GSE1: variants seen among roughly 807,000 people sequenced by gnomAD.
GSE1 encodes the protein Gse1 coiled-coil protein.
Under a neutral mutation model 112.6 loss-of-function variants are expected in GSE1, and 32 were observed. That is an observed-to-expected ratio of 0.28 (90% CI 0.21 to 0.38). The LOEUF (loss-of-function observed/expected upper bound fraction) is 0.38. Among genes scored for constraint, GSE1 ranks in the 10% least tolerant of loss-of-function variants. GSE1 has a pLI of 1.00. For missense variants in GSE1, 2,348 were observed against 1,699.2 expected (o/e 1.38, Z -6.71); for synonymous variants, 1,115 against 735.6 (o/e 1.52, Z -8.35).
At chr16:85,516,093 C>G (rs1252406145) in intron 2 of GSE1, among the ~76,000 whole-genome samples, 1 of 152,238 alleles carries the variant, frequency 6.6e-6, no homozygotes, top group Non-Finnish European at 1.5e-5. Flanking sequence ...CCAGTCTTCC[C>G]TCTTGACAGA....
chr16:85,476,636 A>ATTTC (rs1201950069), intron 2 of GSE1, among the ~76,000 whole-genome samples: 3 of 56,794 alleles, frequency 5.3e-5, no homozygotes, highest in African/African-American at 8.6e-5. Context: ...TAATTCTTTC[A>ATTTC]TTTATTTATT....
chr16:85,388,097 T>TGGAG (rs397727206), intron 2 of GSE1, among the ~76,000 whole-genome samples: 1 of 145,894 alleles, frequency 6.9e-6, no homozygotes, highest in African/African-American at 2.6e-5. Context: ...GATGGATGGA[T>TGGAG]TGGTGAGTGG....
intron 2 of GSE1, among the ~76,000 whole-genome samples, chr16:85,499,634 C>T (rs9936643): frequency 0.68 from 103,159 of 152,104 alleles, 36,280 homozygotes; most frequent in African/African-American, 0.88. Context: ...TGCACCTCAG[C>T]GTGAATGTAC....
At chr16:85,551,217 T>C (rs1230349341), upstream of GSE1, among the ~76,000 whole-genome samples, 2 of 152,194 alleles carry the variant, frequency 1.3e-5, no homozygotes, top group African/African-American at 4.8e-5. Flanking sequence ...ACCAGGCTTT[T>C]CCGGAGAAGT....
At chr16:85,186,538 G>C (rs960620770) in intron 1 of GSE1, among the ~76,000 whole-genome samples, 2 of 151,972 alleles carry the variant, frequency 1.3e-5, no homozygotes, top group Non-Finnish European at 2.9e-5. Context: ...TGGAGGAGTA[G>C]GTTGCAGTGA....
intron 2 of GSE1, among the ~76,000 whole-genome samples, chr16:85,541,284 T>G (rs923231156): frequency 6.6e-6 from 1 of 151,918 alleles, no homozygotes; most frequent in Non-Finnish European, 1.5e-5. Context: ...GAGTTGGGGG[T>G]GACCGAGACA....
chr16:85,611,923 A>C (rs2048010026), upstream of GSE1, among the ~76,000 whole-genome samples: 1 of 151,438 alleles, frequency 6.6e-6, no homozygotes, highest in South Asian at 2.1e-4. Flanking sequence ...GCGCCTGCCA[A>C]GCCTGGCGCG....
At chr16:85,489,181 T>A (rs2050933330) in intron 2 of GSE1, among the ~76,000 whole-genome samples, 1 of 152,090 alleles carries the variant, frequency 6.6e-6, no homozygotes, top group African/African-American at 2.4e-5. Context: ...TAACTTTGAA[T>A]TGAAATCATC....
chr16:85,202,394 C>G (rs1477158940), intron 1 of GSE1, among the ~76,000 whole-genome samples: 1 of 152,242 alleles, frequency 6.6e-6, no homozygotes, highest in African/African-American at 2.4e-5. Flanking sequence ...AGTATTGGAA[C>G]AAGCGGCCTG....
At chr16:85,237,880 A>T (rs1249300680) in intron 1 of GSE1, among the ~76,000 whole-genome samples, 3 of 151,218 alleles carry the variant, frequency 2.0e-5, no homozygotes, top group African/African-American at 7.3e-5. Flanking sequence ...AGTGAATGAA[A>T]CCTCCCTGTG....
chr16:85,462,805 G>A (rs1465374635), intron 2 of GSE1, among the ~76,000 whole-genome samples: 1 of 145,368 alleles, frequency 6.9e-6, no homozygotes, highest in East Asian at 2.0e-4. Flanking sequence ...TGAAGCCGGG[G>A]GCGCGGGGCC....
intron 2 of GSE1, among the ~76,000 whole-genome samples, chr16:85,413,974 G>A (rs2048646054): frequency 1.3e-5 from 2 of 152,196 alleles, no homozygotes; most frequent in African/African-American, 4.8e-5. Context: ...AGGGCACCTT[G>A]CTTCTCTCTC....
chr16:85,539,946 C>T (rs1440278393), intron 2 of GSE1, among the ~76,000 whole-genome samples: 6 of 152,162 alleles, frequency 3.9e-5, no homozygotes, highest in African/African-American at 7.2e-5. Flanking sequence ...TAGACTGTGC[C>T]GCTTCTCTTG....
intron 1 of GSE1, among the ~76,000 whole-genome samples, chr16:85,589,854 T>C (rs2046902558): frequency 6.6e-6 from 1 of 151,742 alleles, no homozygotes; most frequent in Non-Finnish European, 1.5e-5. Flanking sequence ...ATGTGTGAGA[T>C]ATTGTGAACA....
chr16:85,553,702 A>G (rs1165265943), upstream of GSE1, among the ~76,000 whole-genome samples: 3 of 152,058 alleles, frequency 2.0e-5, no homozygotes, highest in Non-Finnish European at 4.4e-5. Flanking sequence ...CGCTCCGCCC[A>G]GCTCATTTAA....
intron 2 of GSE1, among the ~76,000 whole-genome samples, chr16:85,412,858 C>G (rs2048610601): frequency 6.6e-6 from 1 of 152,228 alleles, no homozygotes. Context: ...GCCGCATTCA[C>G]AGGTTCCAGG....
intron 2 of GSE1, among the ~76,000 whole-genome samples, chr16:85,641,708 TG>T (rs934640658): frequency 1.3e-5 from 2 of 152,156 alleles, no homozygotes; most frequent in African/African-American, 4.8e-5. Flanking sequence ...TCCCAGTGGG[TG>T]GGGGGCTGAT....
At chr16:85,520,587 A>T (rs1243103135) in intron 2 of GSE1, among the ~76,000 whole-genome samples, 2 of 150,892 alleles carry the variant, frequency 1.3e-5, no homozygotes, top group African/African-American at 2.4e-5. Context: ...ACACCTGGCT[A>T]ATTTTTGTTT....
At chr16:85,432,704 G>T (rs1343608179) in intron 2 of GSE1, among the ~76,000 whole-genome samples, 1 of 152,186 alleles carries the variant, frequency 6.6e-6, no homozygotes, top group Non-Finnish European at 1.5e-5. Context: ...TGTGTATCAG[G>T]TGTTTTCCAG....
Sources: allele counts gnomAD v4.1 joint callset (sites outside exome capture counted in the v4.1 genomes callset), GRCh38; gene constraint gnomAD v4.1.1; transcripts MANE v1.5; gene names NCBI Gene and HGNC (gene_info 2026-07-23, HGNC 2026-07-21).